SLC38A10: variants seen among roughly 807,000 people sequenced by gnomAD.
SLC38A10 encodes solute carrier family 38 member 10.
In SLC38A10, 53 loss-of-function variants were observed where a neutral mutation model predicts 81.0. That is an observed-to-expected ratio of 0.65 (90% CI 0.53 to 0.82). SLC38A10 has a LOEUF of 0.82. SLC38A10 is among the 40% of genes least tolerant of loss of function. The pLI, the probability that SLC38A10 is intolerant of heterozygous loss-of-function variation, is 0.00. For missense variants in SLC38A10, 1,471 were observed against 1,545.0 expected (o/e 0.95, Z 0.80); for synonymous variants, 665 against 655.3 (o/e 1.01, Z -0.23).
chr17:81,249,032 C>G (rs576395550), intron 14 of SLC38A10, among the ~76,000 whole-genome samples: 1 of 152,144 alleles, frequency 6.6e-6, no homozygotes, highest in Non-Finnish European at 1.5e-5. Flanking sequence ...GGGGCTCAAC[C>G]ACGGAATGTC....
chr17:81,275,471 C>T (rs185972560), intron 8 of SLC38A10, among the ~76,000 whole-genome samples: 6 of 152,084 alleles, frequency 3.9e-5, no homozygotes, highest in Non-Finnish European at 7.3e-5. Context: ...CGGTGGCTCA[C>T]GCCTGTAATC....
intron 6 of SLC38A10, among the ~76,000 whole-genome samples, chr17:81,278,055 GC>G (rs2063177838): frequency 7.8e-6 from 1 of 127,634 alleles, no homozygotes; most frequent in African/African-American, 3.2e-5. Flanking sequence ...GATGCAGAAA[GC>G]CAGCAGCCAG....
chr17:81,257,694 G>C (rs922858728), intron 11 of SLC38A10, among the ~76,000 whole-genome samples: 1 of 152,222 alleles, frequency 6.6e-6, no homozygotes, highest in African/African-American at 2.4e-5. Context: ...ACGACCCGTC[G>C]ACACCCAGCA....
chr17:81,251,285 A>C, intron 14 of SLC38A10: 2 of 1,608,376 alleles, frequency 1.2e-6, no homozygotes, highest in Non-Finnish European at 1.7e-6. Flanking sequence ...TTTAAAGGGG[A>C]GTAAGGCAGA....
chr17:81,245,796 G>C lies in SLC38A10; in HGVS notation c.3120C>G (p.Asp1040Glu). The change falls in exon 16 of 16, where the codon GAC becomes GAG. Residue 1040 changes from aspartate (D) to glutamate (E), a missense_variant. Asp to Glu is a conservative substitution (Grantham distance 45, BLOSUM62 2). Transcript: ENST00000374759. The part of the protein sequence containing the change: ...QRPDNAKPNR[D>E]LKLQAGSDLR... ...GGTCGGAGCCAGCCTGCAGTTTCAG[G>C]TCCCGGTTGGGCTTGGCATTGTCCG... The C allele has an allele frequency of 1.2e-6, 2 of 1,602,342 alleles. No homozygotes were observed. Among genetic ancestry groups the C allele is most frequent in the Non-Finnish European group, 1.7e-6 (2 of 1,171,906 alleles).
rs144155578 is a variant in SLC38A10 at position 81,284,032 on chromosome 17, G to A, written c.264-530C>T. On this transcript the variant is annotated intron_variant, in intron 3 of 15. Transcript: ENST00000374759. Reference sequence around the variant, plus strand: ...CTTTTCTCAGCCTGGTATTATACTCGCCCCTCTGCGGAGGCTCTAAAAGTT... The same window carrying A: ...CTTTTCTCAGCCTGGTATTATACTCACCCCTCTGCGGAGGCTCTAAAAGTT... Among the ~76,000 whole-genome samples, 421 of 151,804 alleles carry A rather than the reference G, an allele frequency of 2.8e-3. 2 individuals carry two copies. The highest frequency in any genetic ancestry group is 9.4e-3 in the African/African-American group (387 of 41,380).
chr17:81,286,679 T>C lies in SLC38A10; in HGVS notation c.218-1784A>G, dbSNP rs2063270080. 6.6e-6 allele frequency among the ~76,000 whole-genome samples: 1 copy of C among 152,154 alleles called. No homozygotes were observed. The highest frequency in any genetic ancestry group is 2.4e-5 in the African/African-American group (1 of 41,438). ...GGAGGTATCTGTGAGCGGCGAGCTC[T>C]GAGGGCGCGGCCTCCATGCAGGGTG... On this transcript the variant is annotated intron_variant, in intron 2 of 15. Coordinates refer to ENST00000374759, the MANE Select transcript of SLC38A10 (RefSeq NM_001037984.3). This position sits in a 1 kb window ranked among gnomAD's most constrained non-coding sequence, Gnocchi z 6.0.
At chr17:81,257,297 T>G (rs2062981724) in intron 11 of SLC38A10, among the ~76,000 whole-genome samples, 1 of 152,146 alleles carries the variant, frequency 6.6e-6, no homozygotes, top group African/African-American at 2.4e-5. Context: ...GGTTTCACCA[T>G]GTTGGCTGGG....
chr17:81,280,780 C>T (rs374321662), intron 5 of SLC38A10, 47 bp from the exon 6 acceptor site: 12 of 1,564,870 alleles, frequency 7.7e-6, no homozygotes, highest in African/African-American at 1.4e-5. Context: ...AGGACGCAGG[C>T]GGGACTCAGC....
At chr17:81,285,483 C>G (rs555508531) in intron 2 of SLC38A10, 3 of 152,392 alleles carry the variant, frequency 2.0e-5, no homozygotes, top group Admixed American at 1.3e-4. Flanking sequence ...GGAGCCTTGC[C>G]GATGAGGAGC....
chr17:81,278,578 C>T (rs1044860997), intron 6 of SLC38A10, among the ~76,000 whole-genome samples: 15 of 152,302 alleles, frequency 9.8e-5, no homozygotes, highest in African/African-American at 2.6e-4. Context: ...AAGTGGCCAA[C>T]GCCTGTGCAC....
intron 14 of SLC38A10, chr17:81,247,333 C>T (rs1444857046): frequency 1.2e-5 from 4 of 342,074 alleles, no homozygotes; most frequent in South Asian, 1.1e-4. Flanking sequence ...GCCACTGTGC[C>T]GCATCAGTTC....
Position 81,295,186 on chromosome 17 carries a change from T to C in SLC38A10, c.-265A>G, listed in dbSNP as rs993028564. The C allele has an allele frequency of 7.3e-6, 2 of 272,244 alleles. No homozygotes were observed. The highest frequency in any genetic ancestry group is 1.9e-4 in the East Asian group (2 of 10,296). 16.9% of individuals were successfully genotyped at this position (272,244 alleles called of 1,614,324 possible). A position where few individuals can be genotyped will look rare whatever the true frequency, so the allele number is the denominator to read the frequency against. ...AAGCCCTGCGGCCGCCTCAGGGCCA[T>C]GCGTCCCTCGCTCGGCCTCGCGGGC... On this transcript the variant is annotated 5_prime_UTR_variant, in exon 1 of 16. An upstream start codon of the reference 5' UTR is lost. Coordinates refer to ENST00000374759, the MANE Select transcript of SLC38A10 (RefSeq NM_001037984.3).
intron 1 of SLC38A10, among the ~76,000 whole-genome samples, chr17:81,292,725 C>T (rs145606921): frequency 1.4e-4 from 21 of 152,326 alleles, no homozygotes; most frequent in Non-Finnish European, 2.4e-4. Flanking sequence ...GGCCTAATGT[C>T]CACCACATGG....
At chr17:81,266,741 G>A (rs1567935747) in intron 10 of SLC38A10, among the ~76,000 whole-genome samples, 1 of 152,248 alleles carries the variant, frequency 6.6e-6, no homozygotes, top group Non-Finnish European at 1.5e-5. Context: ...CTACAGTGAG[G>A]TCTGGATAAA....
intron 6 of SLC38A10, among the ~76,000 whole-genome samples, chr17:81,279,516 A>G (rs1021056110): frequency 6.6e-6 from 1 of 152,304 alleles, no homozygotes; most frequent in East Asian, 1.9e-4. Flanking sequence ...GGCCAGCACA[A>G]GGAGGGATGT....
At position 81,252,409 on chromosome 17, in the gene SLC38A10, G is replaced by C; in HGVS notation, c.1731C>G (p.Pro577=). 1 of 1,613,134 alleles carries C rather than the reference G, an allele frequency of 6.2e-7. No individual in the cohort carries two copies. Among genetic ancestry groups the C allele is most frequent in the South Asian group, 1.1e-5 (1 of 91,084 alleles). ...LEEAGDLPED[P]QKVPEADGQP... is the part of the protein sequence containing the mutation. ...GACCATCTGCTTCTGGAACTTTCTG[G>C]GGATCTTCAGGAAGATCACCCGCCT... Residue 577 remains proline (P), a synonymous_variant, in exon 13 of 16, where the codon CCC becomes CCG. Coordinates refer to ENST00000374759, the MANE Select transcript of SLC38A10 (RefSeq NM_001037984.3).
At chr17:81,254,627 G>C (rs1202850802) in intron 11 of SLC38A10, among the ~76,000 whole-genome samples, 2 of 152,182 alleles carry the variant, frequency 1.3e-5, no homozygotes, top group East Asian at 3.8e-4. Context: ...TGTATCTTTA[G>C]TAGAGACAGG....
rs963402832 is a variant in SLC38A10 at position 81,276,445 on chromosome 17, G to A, written c.730-294C>T. 5.3e-5 allele frequency among the ~76,000 whole-genome samples: 8 copies of A among 150,590 alleles called. No individual in the cohort carries two copies. In the South Asian group the frequency reaches 6.3e-4, roughly 12 times the overall value. ...CTGTAGACCAGGCTGGAGTGCAGTG[G>A]TGCGATCTTGGCCTCGGCGTACCTC... On this transcript the variant is annotated intron_variant, in intron 7 of 15. Transcript: ENST00000374759. The surrounding 1 kb of genome is among the most constrained non-coding windows in gnomAD (Gnocchi z 4.7).
Sources: gnomAD v4.1 joint callset for allele counts (sites outside exome capture counted in the v4.1 genomes callset) on GRCh38, gnomAD v4.1.1 for gene constraint, Gnocchi (gnomAD v3.1) non-coding constraint, MANE v1.5 for transcripts, NCBI Gene and HGNC (gene_info 2026-07-23, HGNC 2026-07-21) for gene names.